Variants in AHNAK observed in about 807,000 individuals in gnomAD.
AHNAK encodes AHNAK nucleoprotein.
In AHNAK, 23 loss-of-function variants were observed where a neutral mutation model predicts 37.8. That is an observed-to-expected ratio of 0.61 (90% CI 0.44 to 0.86). The LOEUF (loss-of-function observed/expected upper bound fraction) is 0.86, where lower values mean the gene tolerates loss of function less well. Ranked by LOEUF, AHNAK falls within the 40% of genes least tolerant of loss-of-function variation. AHNAK has a pLI of 0.00. For missense variants in AHNAK, 7,411 were observed against 7,319.4 expected, an observed-to-expected ratio of 1.01 and a Z score of -0.46; for synonymous variants, 2,481 against 2,636.3, an observed-to-expected ratio of 0.94 and a Z score of 1.80.
At chr11:62,433,859 G>C (rs936452937) in exon 6 of AHNAK, 1 of 1,613,658 alleles carries the variant, frequency 6.2e-7, no homozygotes, top group African/African-American at 1.3e-5. Context: ...ACCTTAAGAG[G>C]GGGTGGTTTT....
Position 62,478,276 on chromosome 11 carries a change from T to G in AHNAK, c.442+13456A>C, listed in dbSNP as rs1939191206. On this transcript the variant is annotated intron_variant, in intron 5 of 5. Transcript: ENST00000257247. ...TAAGCAGGAGCTGGGGCTGAGCCCC[T>G]GAGGTCTTTTCACACTAAGACTGGA... Among the ~76,000 whole-genome samples the G allele has an allele frequency of 2.0e-5, 3 of 152,220 alleles. No homozygotes were observed. The East Asian group carries it at 5.8e-4, about 29-fold the overall frequency.
chr11:62,524,308 T>A lies in AHNAK; in HGVS notation c.10109A>T (p.Asp3370Val). ...SGSKVQTPEV[D>V]VKGKKPDIDI... ...AATATCTGGCTTTTTACCTTTGACA[T>A]CCACTTCAGGTGTCTGAACTTTAGA... Residue 3370 changes from aspartate to valine, a missense_variant, in exon 5 of 5, where the codon GAT (aspartate) becomes GTT (valine). By Grantham distance (152) the Asp-to-Val change is radical (BLOSUM62 -3). Coordinates refer to ENST00000378024, the MANE Select transcript of AHNAK (RefSeq NM_001620.3). 6.2e-7 allele frequency: 1 copy of A among 1,613,944 alleles called. No homozygotes were observed. Among genetic ancestry groups the A allele is most frequent in the Non-Finnish European group, 8.5e-7 (1 of 1,179,990 alleles).
At chr11:62,485,466 T>TC (rs1470013529) in intron 5 of AHNAK, among the ~76,000 whole-genome samples, 1 of 150,844 alleles carries the variant, frequency 6.6e-6, no homozygotes, top group Non-Finnish European at 1.5e-5. Context: ...ACTTTGGGAG[T>TC]CCGAGGCGGG....
Position 62,521,743 on chromosome 11 carries a change from T to C in AHNAK, c.12674A>G (p.Asp4225Gly), listed in dbSNP as rs780787531. 4.3e-6 allele frequency: 7 copies of C among 1,613,660 alleles called. No homozygotes were observed. In the African/African-American group the frequency reaches 8.0e-5, roughly 19 times the overall value. Residue 4225 changes from aspartate (D) to glycine (G), a missense_variant, in exon 5 of 5, where the codon GAC (aspartate) becomes GGC (glycine). By Grantham distance (94) the Asp-to-Gly change is moderately conservative. Coordinates refer to ENST00000378024, the MANE Select transcript of AHNAK (RefSeq NM_001620.3). ...ADLDVSGPKV[D>G]IDVPDVNIEG... ...GATATTCACATCAGGAACATCAATG[T>C]CCACCTTGGGTCCTGAGACGTCAAG... is the stretch of plus-strand genomic sequence containing the variant.
chr11:62,512,285 T>C (rs1163450344), downstream of AHNAK, among the ~76,000 whole-genome samples: 1 of 152,148 alleles, frequency 6.6e-6, no homozygotes, highest in African/African-American at 2.4e-5. This position sits in a 1 kb window ranked among gnomAD's most constrained non-coding sequence, Gnocchi z 4.0. Flanking sequence ...GGGGTCAGGG[T>C]GTTCCTCCCT....
chr11:62,479,601 C>T (rs1939224481), intron 5 of AHNAK, among the ~76,000 whole-genome samples: 1 of 152,050 alleles, frequency 6.6e-6, no homozygotes, highest in African/African-American at 2.4e-5. Context: ...GGGAAGTTTG[C>T]CAGACTGCTC....
At chr11:62,513,876 A>ATCCCTGG (rs1939959564), downstream of AHNAK, among the ~76,000 whole-genome samples, 1 of 152,148 alleles carries the variant, frequency 6.6e-6, no homozygotes, top group Admixed American at 6.5e-5. Flanking sequence ...TGGCCTCGCC[A>ATCCCTGG]TCCCTGGTAC....
chr11:62,493,679 C>T (rs1410231916), intron 4 of AHNAK, among the ~76,000 whole-genome samples: 1 of 151,746 alleles, frequency 6.6e-6, no homozygotes, highest in Admixed American at 6.6e-5. Flanking sequence ...CTATGTTGAC[C>T]AGGCTGGTCT....
chr11:62,482,508 A>T (rs111769842), intron 5 of AHNAK, among the ~76,000 whole-genome samples: 49 of 152,304 alleles, frequency 3.2e-4, no homozygotes, highest in African/African-American at 1.1e-3. Context: ...GACTTTGGGC[A>T]AATTACCTAA....
At chr11:62,438,183 T>TC (rs1938219549) in intron 5 of AHNAK, among the ~76,000 whole-genome samples, 1 of 104,858 alleles carries the variant, frequency 9.5e-6, no homozygotes, top group African/African-American at 4.9e-5. Context: ...CTTTCTCTCT[T>TC]TTTTTTTTTT....
intron 5 of AHNAK, among the ~76,000 whole-genome samples, chr11:62,443,490 T>C (rs1163261857): frequency 2.0e-5 from 3 of 152,032 alleles, no homozygotes; most frequent in Non-Finnish European, 4.4e-5. Context: ...CAGGCTGGTC[T>C]CGAACTCCCA....
chr11:62,433,957 G>C, intron 5 of AHNAK: 1 of 1,593,438 alleles, frequency 6.3e-7, no homozygotes, highest in East Asian at 2.2e-5. Context: ...AAAATCAGAA[G>C]ATGGTTCGTT....
intron 5 of AHNAK, among the ~76,000 whole-genome samples, chr11:62,476,116 T>C (rs1555023328): frequency 6.6e-6 from 1 of 152,146 alleles, no homozygotes; most frequent in Non-Finnish European, 1.5e-5. Flanking sequence ...CTAATGAGCA[T>C]ACAGTGCAGT....
chr11:62,451,012 G>A (rs1248339233), intron 5 of AHNAK, among the ~76,000 whole-genome samples: 1 of 141,714 alleles, frequency 7.1e-6, no homozygotes, highest in Admixed American at 7.0e-5. Flanking sequence ...CCCATCTTTG[G>A]TACATGGAGA....
chr11:62,481,491 CTCAAACCT>C (rs1939272485), intron 5 of AHNAK, among the ~76,000 whole-genome samples: 1 of 152,128 alleles, frequency 6.6e-6, no homozygotes, highest in African/African-American at 2.4e-5. Context: ...ACCTCCCACC[CTCAAACCT>C]ACCATTGCTA....
chr11:62,453,907 G>A (rs1938593768), intron 5 of AHNAK, among the ~76,000 whole-genome samples: 1 of 151,848 alleles, frequency 6.6e-6, no homozygotes, highest in African/African-American at 2.4e-5. Context: ...GGATCACAAG[G>A]AACAGCCTGA....
At chr11:62,482,686 C>T (rs1393907954) in intron 5 of AHNAK, among the ~76,000 whole-genome samples, 1 of 152,140 alleles carries the variant, frequency 6.6e-6, no homozygotes, top group Non-Finnish European at 1.5e-5. Context: ...CTGAGCATGC[C>T]ATCCCTCCCT....
intron 5 of AHNAK, among the ~76,000 whole-genome samples, chr11:62,467,266 G>T (rs543837305): frequency 2.0e-5 from 3 of 149,502 alleles, no homozygotes; most frequent in Admixed American, 6.7e-5. Flanking sequence ...TAATATAATT[G>T]TACTTCTTTA....
intron 5 of AHNAK, among the ~76,000 whole-genome samples, chr11:62,463,644 G>C (rs559435672): frequency 6.6e-6 from 1 of 152,260 alleles, no homozygotes; most frequent in Admixed American, 6.5e-5. Context: ...CAGGGTGACC[G>C]ACTGTCCTGG....
Sources: allele counts gnomAD v4.1 joint callset (sites outside exome capture counted in the v4.1 genomes callset), GRCh38; gene constraint gnomAD v4.1.1; non-coding constraint Gnocchi (gnomAD v3.1); transcripts MANE v1.5; gene names NCBI Gene and HGNC (gene_info 2026-07-23, HGNC 2026-07-21).